The following PDE4B variants were observed in gnomAD, a reference collection of about 807,000 sequenced individuals.
The protein encoded by PDE4B is 3',5'-cyclic-AMP phosphodiesterase 4B.
In PDE4B, 20 loss-of-function variants were observed where a neutral mutation model predicts 82.2. The observed-to-expected ratio is 0.24, with a 90% CI of 0.17 to 0.35. The LOEUF is 0.35. Ranked by LOEUF, PDE4B falls within the 10% of genes least tolerant of loss-of-function variation. PDE4B has a pLI of 1.00. For synonymous variants in PDE4B, 320 were observed against 318.9 expected (o/e 1.00, Z -0.04); for missense variants, 655 against 907.2 (o/e 0.72, Z 3.57).
chr1:66,368,208 C>T (rs1663392959), intron 15 of PDE4B, 143 bp downstream of exon 15: 1 of 725,130 alleles, frequency 1.4e-6, no homozygotes, highest in Non-Finnish European at 2.1e-6. Flanking sequence ...TAAGAACAAG[C>T]TAAGGAAAAT....
intron 7 of PDE4B, among the ~76,000 whole-genome samples, chr1:66,331,593 A>G (rs910428914): frequency 1.3e-5 from 2 of 152,214 alleles, no homozygotes; most frequent in Non-Finnish European, 2.9e-5. Context: ...TACCAACAAT[A>G]TTTCCAGAAA....
At chr1:65,828,861 G>T (rs1162971452) in intron 1 of PDE4B, among the ~76,000 whole-genome samples, 1 of 152,092 alleles carries the variant, frequency 6.6e-6, no homozygotes, top group African/African-American at 2.4e-5. Flanking sequence ...GTTCAGTTCA[G>T]CTCAGAGATG....
intron 3 of PDE4B, among the ~76,000 whole-genome samples, chr1:66,133,558 G>T (rs994124798): frequency 1.6e-4 from 25 of 152,162 alleles, no homozygotes; most frequent in African/African-American, 6.0e-4. Context: ...ATGAATATAG[G>T]ACAACCTTGT....
intron 1 of PDE4B, among the ~76,000 whole-genome samples, chr1:65,805,288 A>C (rs979549153): frequency 7.9e-5 from 12 of 152,264 alleles, no homozygotes; most frequent in African/African-American, 2.6e-4. Context: ...TTTTCAGTAC[A>C]TGGATTTCAA....
Position 66,329,653 on chromosome 1 carries a change from T to C in PDE4B, c.635-2855T>C, listed in dbSNP as rs550363785. On this transcript the variant is annotated intron_variant, in intron 7 of 16. Transcript: ENST00000341517. ...CATTAGTAATTCTCCTATGCATCTA[T>C]CACCTACTAAGAACTGGCTACCATC... Among the ~76,000 whole-genome samples the C allele has an allele frequency of 7.2e-5, 11 of 152,330 alleles. No homozygotes were observed. The South Asian group carries it at 2.3e-3, about 32-fold the overall frequency.
intron 7 of PDE4B, among the ~76,000 whole-genome samples, chr1:66,312,761 A>G (rs1658758388): frequency 6.6e-6 from 1 of 152,236 alleles, no homozygotes; most frequent in Non-Finnish European, 1.5e-5. Flanking sequence ...GTTTTTGCAA[A>G]TAAAGTGTTA....
chr1:65,943,648 C>T (rs1458278834), intron 3 of PDE4B, among the ~76,000 whole-genome samples: 1 of 151,878 alleles, frequency 6.6e-6, no homozygotes, highest in African/African-American at 2.4e-5. Flanking sequence ...GATTCCCTCT[C>T]CATATATCCG....
chr1:66,298,550 A>C (rs1054669428), intron 7 of PDE4B, among the ~76,000 whole-genome samples: 4 of 152,174 alleles, frequency 2.6e-5, no homozygotes, highest in Non-Finnish European at 5.9e-5. Flanking sequence ...AAGTAAGTAC[A>C]GTTGCTTTGC....
chr1:66,016,198 A>G (rs1652765976), intron 3 of PDE4B, among the ~76,000 whole-genome samples: 1 of 152,194 alleles, frequency 6.6e-6, no homozygotes, highest in Admixed American at 6.5e-5. Flanking sequence ...TTAAAGCAGC[A>G]CCTGAGACGT....
intron 3 of PDE4B, among the ~76,000 whole-genome samples, chr1:66,023,524 G>T (rs1653260496): frequency 6.6e-6 from 1 of 152,126 alleles, no homozygotes; most frequent in South Asian, 2.1e-4. Context: ...GTTTCTGAGG[G>T]CTATGGAACA....
rs1179664042 is a variant in PDE4B at position 66,373,346 on chromosome 1, A to G, written c.*668A>G. 1 of 152,378 alleles carries G rather than the reference A, an allele frequency of 6.6e-6. No individual in the cohort carries two copies. Among genetic ancestry groups the G allele is most frequent in the African/African-American group, 2.4e-5 (1 of 41,388 alleles). The allele number at this position is 152,378 out of a possible 1,614,324, so 9.4% of individuals were successfully genotyped here. A position where few individuals can be genotyped will look rare whatever the true frequency, so the allele number is the denominator to read the frequency against. On this transcript the variant is annotated 3_prime_UTR_variant, in exon 17 of 17. Coordinates refer to ENST00000341517, the MANE Select transcript of PDE4B (RefSeq NM_002600.4). ...GTCCAACTCCACAGTCACTCTTAAAACTTCTCTCTGTTTGCCTGCCTCCAA... is the reference window on the plus strand; with the variant it reads ...GTCCAACTCCACAGTCACTCTTAAAGCTTCTCTCTGTTTGCCTGCCTCCAA...
Position 66,091,360 on chromosome 1 carries a change from G to A in PDE4B, c.282-156100G>A, listed in dbSNP as rs1288687834. On this transcript the variant is annotated intron_variant, in intron 3 of 16. Transcript: ENST00000341517. Reference sequence around the variant, plus strand: ...CAACTTCACAAAAACACAGAAGAAAGCCCTCCTAAAGAATGAAATTCCAAA... The same window carrying A: ...CAACTTCACAAAAACACAGAAGAAAACCCTCCTAAAGAATGAAATTCCAAA... Among the ~76,000 whole-genome samples the A allele has an allele frequency of 2.6e-5, 4 of 151,994 alleles. No homozygotes were observed. In the East Asian group the frequency reaches 7.7e-4, roughly 29 times the overall value.
chr1:65,973,950 C>A (rs1205550894), intron 3 of PDE4B, among the ~76,000 whole-genome samples: 1 of 151,948 alleles, frequency 6.6e-6, no homozygotes, highest in African/African-American at 2.4e-5. Context: ...GTAGCTGGGA[C>A]TGCAGGTGCA....
intron 3 of PDE4B, among the ~76,000 whole-genome samples, chr1:66,014,490 C>G (rs558365898): frequency 1.4e-4 from 21 of 152,182 alleles, no homozygotes; most frequent in Non-Finnish European, 3.1e-4. Context: ...TAGAGTCCAA[C>G]TGCTTTCTTT....
At chr1:66,253,963 A>G (rs1570563733) in intron 4 of PDE4B, among the ~76,000 whole-genome samples, 1 of 152,214 alleles carries the variant, frequency 6.6e-6, no homozygotes, top group Non-Finnish European at 1.5e-5. Context: ...ATGTTTCTTT[A>G]TCTCCCTTTA....
At chr1:65,992,609 G>A (rs143844073) in intron 3 of PDE4B, 24 of 382,372 alleles carry the variant, frequency 6.3e-5, no homozygotes, top group African/African-American at 4.0e-4. Flanking sequence ...TGAATTCAGT[G>A]AGTGTCAGTG....
At chr1:66,139,808 A>G (rs1023126296) in intron 3 of PDE4B, among the ~76,000 whole-genome samples, 1 of 151,820 alleles carries the variant, frequency 6.6e-6, no homozygotes, top group Non-Finnish European at 1.5e-5. Context: ...CACCAGAGCC[A>G]GGTATCTGCT....
intron 3 of PDE4B, among the ~76,000 whole-genome samples, chr1:66,001,811 C>T (rs1651879418): frequency 6.6e-6 from 1 of 152,152 alleles, no homozygotes; most frequent in Non-Finnish European, 1.5e-5. Context: ...CAACCTCTGC[C>T]TCATGGGTTC....
chr1:66,094,845 T>C (rs1362685758), intron 3 of PDE4B, among the ~76,000 whole-genome samples: 1 of 151,972 alleles, frequency 6.6e-6, no homozygotes, highest in Non-Finnish European at 1.5e-5. Context: ...ATAAATATTA[T>C]GCCTCTGTTT....
Sources: gnomAD v4.1 joint callset for allele counts (sites outside exome capture counted in the v4.1 genomes callset) on GRCh38, gnomAD v4.1.1 for gene constraint, MANE v1.5 for transcripts, NCBI Gene and HGNC (gene_info 2026-07-23, HGNC 2026-07-21) for gene names.